FGD6: variants seen among roughly 807,000 people sequenced by gnomAD.
FGD6 encodes the protein FYVE, RhoGEF and PH domain containing 6.
FGD6 carries 90 observed loss-of-function variants against 149.4 expected under a neutral mutation model. The observed-to-expected ratio is 0.60, with a 90% CI of 0.51 to 0.72. The LOEUF is 0.72. Ranked by LOEUF, FGD6 falls within the 30% of genes least tolerant of loss-of-function variation. FGD6 has a pLI of 0.00. For missense variants in FGD6, 1,437 were observed against 1,684.8 expected (o/e 0.85, Z 2.57); for synonymous variants, 527 against 584.0 (o/e 0.90, Z 1.41).
At chr12:95,195,086 T>C (rs1881703256) in intron 2 of FGD6, among the ~76,000 whole-genome samples, 1 of 152,228 alleles carries the variant, frequency 6.6e-6, no homozygotes, top group Non-Finnish European at 1.5e-5. Flanking sequence ...ACATGAAGTT[T>C]ACTGACTTCT....
rs1398741556 is a variant in FGD6, at chr12:95,080,878, C to T, written c.*642G>A. ...GTTTTAAAAAATTCAGATTCTATCT[C>T]TTTGCTATAATTCTTTGATGATGTA... On this transcript the variant is annotated 3_prime_UTR_variant, in exon 21 of 21. Transcript: ENST00000343958. 5 of 152,140 alleles carry T rather than the reference C, an allele frequency of 3.3e-5. No homozygotes were observed. The highest frequency in any genetic ancestry group is 3.3e-4 in the Admixed American group (5 of 15,272). 9.4% of individuals were successfully genotyped at this position (152,140 alleles called of 1,614,324 possible).
At chr12:95,151,829 T>C (rs912815247) in intron 5 of FGD6, among the ~76,000 whole-genome samples, 4 of 152,202 alleles carry the variant, frequency 2.6e-5, no homozygotes, top group African/African-American at 4.8e-5. Context: ...TTCATTTTCA[T>C]CTACCTTTTC....
intron 18 of FGD6, among the ~76,000 whole-genome samples, chr12:95,088,966 G>A (rs1231406732): frequency 3.9e-5 from 6 of 152,142 alleles, no homozygotes; most frequent in Non-Finnish European, 7.4e-5. Context: ...TAGCACAGGC[G>A]GACCTCACTA....
intron 9 of FGD6, among the ~76,000 whole-genome samples, chr12:95,108,949 A>G (rs944784989): frequency 2.0e-5 from 3 of 152,220 alleles, no homozygotes; most frequent in African/African-American, 7.2e-5. Context: ...CCCAGTATAA[A>G]CTGTCTTGGG....
At chr12:95,204,905 A>G (rs932525198) in intron 2 of FGD6, among the ~76,000 whole-genome samples, 3 of 152,222 alleles carry the variant, frequency 2.0e-5, no homozygotes, top group African/African-American at 7.2e-5. Flanking sequence ...CTTTTAGAAC[A>G]CAATCCTTTT....
intron 1 of FGD6, among the ~76,000 whole-genome samples, chr12:95,214,194 G>A (rs1318326288): frequency 6.6e-6 from 1 of 152,152 alleles, no homozygotes; most frequent in Non-Finnish European, 1.5e-5. Flanking sequence ...TAACAACAGG[G>A]CCTGGGAATA....
At chr12:95,204,730 ACAGT>A (rs2056684964) in intron 2 of FGD6, among the ~76,000 whole-genome samples, 2 of 152,096 alleles carry the variant, frequency 1.3e-5, no homozygotes, top group Non-Finnish European at 2.9e-5. Flanking sequence ...ACACACATAC[ACAGT>A]CAGAGATAAT....
chr12:95,097,634 CAAAAAAAA>C lies in FGD6; in HGVS notation c.3498-2948_3498-2941del, dbSNP rs34057454. Among the ~76,000 whole-genome samples, 4 of 43,390 alleles carry C rather than the reference CAAAAAAAA, an allele frequency of 9.2e-5. No individual in the cohort carries two copies. In the Admixed American group the frequency reaches 9.5e-4, roughly 10 times the overall value. The allele number at this position is 43,390 out of a possible 152,430, so 28.5% of individuals were successfully genotyped here. On this transcript the variant is annotated intron_variant, in intron 14 of 20. Transcript: ENST00000343958. ...CTGGGCAACAAGTGAGACTCTGTCT[CAAAAAAAA>C]AAAAAAAAAAAAAAAAAGACCATGC...
chr12:95,217,410 A>C lies in FGD6; in HGVS notation c.-170T>G, dbSNP rs996016516. 1.8e-6 allele frequency: 2 copies of C among 1,095,396 alleles called. No individual in the cohort carries two copies. The highest frequency in any genetic ancestry group is 4.0e-5 in the Admixed American group (1 of 25,266). The allele number at this position is 1,095,396 out of a possible 1,614,324, so 67.9% of individuals were successfully genotyped here. A position where few individuals can be genotyped will look rare whatever the true frequency, so the allele number is the denominator to read the frequency against. On this transcript the variant is annotated 5_prime_UTR_variant, in exon 1 of 21. Coordinates refer to ENST00000343958, the MANE Select transcript of FGD6 (RefSeq NM_018351.4). The stretch of plus-strand genomic sequence containing the variant: ...CCACACAAAGGACGCGGCCGACTCT[A>C]GCGACCCTGCGGCGCTCCCGGGCGC...
chr12:95,186,628 T>C (rs561579585), intron 2 of FGD6, among the ~76,000 whole-genome samples: 18 of 152,308 alleles, frequency 1.2e-4, no homozygotes, highest in African/African-American at 4.1e-4. Flanking sequence ...CTGTACTATC[T>C]GTCACTGCTT....
chr12:95,111,808 C>A (rs575387774), intron 9 of FGD6, among the ~76,000 whole-genome samples: 4 of 151,640 alleles, frequency 2.6e-5, no homozygotes, highest in African/African-American at 9.7e-5. Context: ...TAAAAAAAAC[C>A]GCCTTTAAAA....
At chr12:95,091,585 A>C (rs1878054901) in intron 17 of FGD6, 122 bp downstream of exon 17, 1 of 613,296 alleles carries the variant, frequency 1.6e-6, no homozygotes, top group Non-Finnish European at 2.8e-6. Flanking sequence ...GCTTACTACA[A>C]ATTTGGAGAT....
intron 3 of FGD6, among the ~76,000 whole-genome samples, chr12:95,165,818 T>C (rs993204184): frequency 6.8e-6 from 1 of 147,468 alleles, no homozygotes; most frequent in Admixed American, 6.8e-5. Flanking sequence ...TTTGTGTCTG[T>C]TTTTTTTTTG....
intron 1 of FGD6, among the ~76,000 whole-genome samples, chr12:95,216,402 TAA>T (rs1048699320): frequency 5.9e-5 from 9 of 152,186 alleles, no homozygotes; most frequent in Admixed American, 5.2e-4. Flanking sequence ...ACACTCTACT[TAA>T]TACATAAGTT....
intron 8 of FGD6, among the ~76,000 whole-genome samples, chr12:95,130,249 T>C (rs1295181939): frequency 6.6e-6 from 1 of 152,174 alleles, no homozygotes; most frequent in African/African-American, 2.4e-5. Flanking sequence ...GCTGATCTTT[T>C]CTAAAAGGAT....
At chr12:95,122,852 T>C (rs1592841715) in intron 8 of FGD6, among the ~76,000 whole-genome samples, 1 of 151,400 alleles carries the variant, frequency 6.6e-6, no homozygotes, top group East Asian at 2.0e-4. Flanking sequence ...GAGGCCAAGG[T>C]GGGCAGATCA....
rs763757268 is a variant in FGD6, at chr12:95,107,589, C to G, written c.3307G>C (p.Val1103Leu). Reference protein sequence around the residue: ...EGILMKLSRKVMQPRMFFLFN... With the variant: ...EGILMKLSRKLMQPRMFFLFN... ...AGGAAAAACATTCGAGGTTGCATCA[C>G]TTTCCGAGACAGCTTCATCAGAATT... The change falls in exon 12 of 21, where the codon GTG becomes CTG. Residue 1103 changes from valine (V) to leucine (L), a missense_variant. By Grantham distance (32) the Val-to-Leu change is conservative. This residue lies in a region of FGD6 where 382 missense variants were observed against 538.7 expected (regional missense o/e 0.71). Coordinates refer to ENST00000343958, the MANE Select transcript of FGD6 (RefSeq NM_018351.4). The G allele has an allele frequency of 1.9e-6, 3 of 1,614,140 alleles. No homozygotes were observed. The highest frequency in any genetic ancestry group is 1.1e-5 in the South Asian group (1 of 91,084).
At chr12:95,134,865 T>G (rs1214654864) in intron 7 of FGD6, 39 bp from the exon 8 acceptor site, 1 of 1,551,812 alleles carries the variant, frequency 6.4e-7, no homozygotes, top group Non-Finnish European at 8.8e-7. Context: ...CAGTGTTTTC[T>G]AAGAAGCAAG....
chr12:95,169,497 C>T (rs1224583504), intron 3 of FGD6, among the ~76,000 whole-genome samples: 4 of 151,958 alleles, frequency 2.6e-5, no homozygotes, highest in East Asian at 1.9e-4. Context: ...CAGGCACAAA[C>T]GCAGAGGAAG....
Sources: allele counts gnomAD v4.1 joint callset (sites outside exome capture counted in the v4.1 genomes callset), GRCh38; gene constraint gnomAD v4.1.1; regional missense constraint gnomAD v4.1.1; transcripts MANE v1.5; gene names NCBI Gene and HGNC (gene_info 2026-07-23, HGNC 2026-07-21).